ATRX: variants seen among roughly 807,000 people sequenced by gnomAD.
ATRX encodes the protein ATRX chromatin remodeler.
ATRX carries 12 observed loss-of-function variants against 172.6 expected under a neutral mutation model. The observed-to-expected ratio is 0.07, with a 90% CI of 0.04 to 0.11. The LOEUF is 0.11. ATRX is among the 10% of genes least tolerant of loss of function. The probability of loss-of-function intolerance (pLI) is 1.00; values close to 1 mark genes in which losing one functional copy is unlikely to be tolerated. For missense variants in ATRX, 1,368 were observed against 1,767.4 expected (o/e 0.77, Z 4.05); for synonymous variants, 674 against 594.7 (o/e 1.13, Z -1.94).
At chrX:77,655,971 T>G (rs1557119654) in intron 13 of ATRX, among the ~76,000 whole-genome samples, 1 of 111,213 alleles carries the variant, frequency 9.0e-6, no homozygotes, top group African/African-American at 3.3e-5. Context: ...CATACCATAC[T>G]AAGAAGGAAG....
intron 1 of ATRX, among the ~76,000 whole-genome samples, chrX:77,732,618 G>T (rs782741459): frequency 8.9e-5 from 10 of 111,855 alleles, no homozygotes; most frequent in African/African-American, 3.2e-4. Flanking sequence ...TGCAAGAGGG[G>T]ATCAATATAT....
chrX:77,723,225 A>G (rs980588334), intron 1 of ATRX, among the ~76,000 whole-genome samples: 1 of 111,348 alleles, frequency 9.0e-6, no homozygotes, highest in Non-Finnish European at 1.9e-5. Flanking sequence ...AGAAATACGT[A>G]ATGTAGATGA....
chrX:77,681,468 A>C, intron 9 of ATRX, 52 bp downstream of exon 9: 2 of 1,114,548 alleles, frequency 1.8e-6, no homozygotes, highest in East Asian at 6.0e-5. Flanking sequence ...ACAATGTAGT[A>C]ACTCAAGAGG....
intron 27 of ATRX, among the ~76,000 whole-genome samples, chrX:77,581,225 T>C (rs2065814630): frequency 9.0e-6 from 1 of 111,432 alleles, no homozygotes; most frequent in Admixed American, 9.6e-5. Flanking sequence ...TAATCAATAA[T>C]AACATTCAAT....
chrX:77,680,314 C>A (rs1269331215), intron 9 of ATRX, among the ~76,000 whole-genome samples: 3 of 111,846 alleles, frequency 2.7e-5, no homozygotes, highest in Non-Finnish European at 5.6e-5. Context: ...TATAGCAGAG[C>A]ATTCAATTGA....
At chrX:77,548,839 C>T (rs1163681094) in intron 30 of ATRX, among the ~76,000 whole-genome samples, 2 of 112,027 alleles carry the variant, frequency 1.8e-5, no homozygotes, top group Non-Finnish European at 3.8e-5. Flanking sequence ...ACACTGCACA[C>T]AAATTCAGCG....
intron 30 of ATRX, among the ~76,000 whole-genome samples, chrX:77,534,897 G>T (rs782651733): frequency 7.4e-4 from 82 of 111,029 alleles, no homozygotes; most frequent in Non-Finnish European, 1.0e-3. Context: ...GCTTTGCCTG[G>T]GGGTAAGGGA....
chrX:77,753,358 T>C (rs782560051), intron 1 of ATRX, among the ~76,000 whole-genome samples: 11 of 111,560 alleles, frequency 9.9e-5, no homozygotes, highest in Non-Finnish European at 2.1e-4. Context: ...TCTTCTCTCT[T>C]TTCTTCTTTA....
intron 1 of ATRX, among the ~76,000 whole-genome samples, chrX:77,755,222 A>G (rs918610871): frequency 8.9e-6 from 1 of 112,516 alleles, no homozygotes; most frequent in South Asian, 3.7e-4. Context: ...TATTCTAGTT[A>G]GCAGTTCTTG....
chrX:77,745,563 G>T (rs1420376008), intron 1 of ATRX, among the ~76,000 whole-genome samples: 4 of 111,513 alleles, frequency 3.6e-5, no homozygotes, highest in Non-Finnish European at 7.5e-5. Flanking sequence ...TAGAGATAGA[G>T]AGTAGAATGA....
intron 30 of ATRX, among the ~76,000 whole-genome samples, chrX:77,529,867 C>T (rs781832993): frequency 8.1e-5 from 9 of 111,506 alleles, no homozygotes; most frequent in Non-Finnish European, 1.5e-4. Flanking sequence ...GAGAGTTTAA[C>T]ACCCCTCTGA....
chrX:77,729,137 A>C (rs2074186449), intron 1 of ATRX, among the ~76,000 whole-genome samples: 3 of 109,893 alleles, frequency 2.7e-5, no homozygotes, highest in African/African-American at 9.9e-5. Flanking sequence ...AAAAAAAAAA[A>C]AAAAACTGTA....
chrX:77,620,215 T>C (rs2067523167), intron 20 of ATRX, among the ~76,000 whole-genome samples, 180 bp downstream of exon 20: 1 of 112,379 alleles, frequency 8.9e-6, no homozygotes, highest in Admixed American at 9.5e-5. Context: ...TTACCACTCA[T>C]TTATAAAGCA....
intron 22 of ATRX, among the ~76,000 whole-genome samples, chrX:77,614,065 A>G (rs1240043968): frequency 1.8e-5 from 2 of 112,149 alleles, no homozygotes; most frequent in Non-Finnish European, 3.8e-5. Flanking sequence ...AATATTATAA[A>G]TTATCACTAA....
chrX:77,505,051 G>A lies in ATRX; in HGVS notation c.*3300C>T. Reference sequence around the variant, plus strand: ...TCTCTAAGGGTAGATCTGATTTGGAGATAGCCAAGTCACTTGAGACTGAGT... The same window carrying A: ...TCTCTAAGGGTAGATCTGATTTGGAAATAGCCAAGTCACTTGAGACTGAGT... On this transcript the variant is annotated 3_prime_UTR_variant, in exon 35 of 35. Transcript: ENST00000373344. 5.9e-6 allele frequency: 1 copy of A among 168,645 alleles called. No homozygotes were observed. The highest frequency in any genetic ancestry group is 8.6e-5 in the East Asian group (1 of 11,610). 13.9% of individuals were successfully genotyped at this position (168,645 alleles called of 1,213,427 possible).
chrX:77,662,371 T>C (rs782389642), intron 12 of ATRX, among the ~76,000 whole-genome samples: 1 of 112,141 alleles, frequency 8.9e-6, no homozygotes, highest in Non-Finnish European at 1.9e-5. Flanking sequence ...ACTCTGACTA[T>C]ATGCCAGTCA....
intron 1 of ATRX, among the ~76,000 whole-genome samples, chrX:77,757,373 G>A (rs2075543468): frequency 9.0e-6 from 1 of 111,644 alleles, no homozygotes; most frequent in African/African-American, 3.3e-5. Context: ...TGAGACTAGA[G>A]CTTAAACTGT....
intron 30 of ATRX, among the ~76,000 whole-genome samples, chrX:77,528,019 G>A (rs1368434118): frequency 5.1e-5 from 5 of 98,270 alleles, no homozygotes; most frequent in African/African-American, 1.9e-4. Context: ...CTGATCTCTC[G>A]CTGGGAGGGA....
At chrX:77,685,089 A>C in intron 7 of ATRX, 83 bp from the exon 8 acceptor site, 1 of 741,399 alleles carries the variant, frequency 1.3e-6, no homozygotes, top group Non-Finnish European at 2.1e-6. Flanking sequence ...TTTTTAAGTA[A>C]TTAAAAACAC....
Sources: allele counts gnomAD v4.1 joint callset (sites outside exome capture counted in the v4.1 genomes callset), GRCh38; gene constraint gnomAD v4.1.1; transcripts MANE v1.5; gene names NCBI Gene and HGNC (gene_info 2026-07-23, HGNC 2026-07-21).